The following FSIP2 variants were observed in gnomAD, a reference collection of about 807,000 sequenced individuals.
FSIP2 encodes the protein fibrous sheath-interacting protein 2.
In FSIP2, 367 loss-of-function variants were observed where a neutral mutation model predicts 510.5. The observed-to-expected ratio is 0.72, with a 90% CI of 0.66 to 0.78. FSIP2 has a LOEUF of 0.78. Ranked by LOEUF, FSIP2 falls within the 30% of genes least tolerant of loss-of-function variation. The pLI, the probability that FSIP2 is intolerant of heterozygous loss-of-function variation, is 0.00. For synonymous variants in FSIP2, 2,601 were observed against 2,732.2 expected (o/e 0.95, Z 1.50); for missense variants, 7,594 against 7,901.7 (o/e 0.96, Z 1.48).
In FSIP2 at chr2:185,792,077, A is replaced by C. The variant is rs779534682; in HGVS notation, c.4941A>C (p.Ser1647=). 3 of 1,533,932 alleles carry C rather than the reference A, an allele frequency of 2.0e-6. No individual in the cohort carries two copies. In the South Asian group the frequency reaches 3.6e-5, roughly 18 times the overall value. The part of the protein sequence containing the change: ...SALYMHAKKV[S]SAILKVIQTE... ...TATATATGCATGCAAAGAAGGTATC[A>C]AGTGCTATTTTGAAGGTTATTCAAA... Residue 1647 remains serine, a synonymous_variant, in exon 16 of 23, where the codon TCA becomes TCC. Coordinates refer to ENST00000424728, the MANE Select transcript of FSIP2 (RefSeq NM_173651.4).
intron 13 of FSIP2, among the ~76,000 whole-genome samples, chr2:185,770,924 G>C (rs1337156484): frequency 6.6e-6 from 1 of 152,164 alleles, no homozygotes; most frequent in Non-Finnish European, 1.5e-5. Flanking sequence ...TTCTAAGAGG[G>C]AGAAAACAGT....
At chr2:185,826,277 T>G (rs1430534286) in intron 20 of FSIP2, among the ~76,000 whole-genome samples, 3 of 151,760 alleles carry the variant, frequency 2.0e-5, no homozygotes, top group African/African-American at 7.2e-5. Flanking sequence ...TCACAATGGC[T>G]TACAAAACCC....
In FSIP2 at chr2:185,797,005, C is replaced by T; in HGVS notation, c.9869C>T (p.Ser3290Leu). The T allele has an allele frequency of 6.5e-7, 1 of 1,535,076 alleles. No individual in the cohort carries two copies. Among genetic ancestry groups the T allele is most frequent in the Non-Finnish European group, 8.7e-7 (1 of 1,146,196 alleles). Residue 3290 changes from serine (S) to leucine (L), a missense_variant, in exon 16 of 23, where the codon TCA (serine) becomes TTA (leucine). Transcript: ENST00000424728. Reference sequence around the variant, plus strand: ...GAAGCAGCATTAAAGCAAGTCTTGTCATTCATAGAAATGGGAAAAGGTGAA... The same window carrying T: ...GAAGCAGCATTAAAGCAAGTCTTGTTATTCATAGAAATGGGAAAAGGTGAA... ...STEAALKQVL[S>L]FIEMGKGENL...
At chr2:185,753,072 C>T (rs79373587) in intron 7 of FSIP2, among the ~76,000 whole-genome samples, 1 of 151,344 alleles carries the variant, frequency 6.6e-6, no homozygotes, top group East Asian at 2.0e-4. Context: ...CTACTCAATG[C>T]CCTATGACTC....
rs1330102185 is a variant in FSIP2 at position 185,747,330 on chromosome 2, G to A, written c.777G>A (p.Glu259=). Residue 259 remains glutamate, a synonymous_variant, in exon 7 of 23, where the codon GAG becomes GAA. Transcript: ENST00000424728. ...RKIEEEWKTK[E]MLLLTRMAED... ...ATTTCTAGGAATGGAAGACAAAAGA[G>A]ATGTTACTTCTGACAAGGATGGCAG... 6.6e-7 allele frequency: 1 copy of A among 1,524,930 alleles called. No homozygotes were observed. Among genetic ancestry groups the A allele is most frequent in the Admixed American group, 2.0e-5 (1 of 50,944 alleles). The allele number at this position is 1,524,930 out of a possible 1,614,324, so 94.5% of individuals were successfully genotyped here.
Position 185,790,743 on chromosome 2 carries a change from C to G in FSIP2, c.3607C>G (p.His1203Asp), listed in dbSNP as rs1361927298. ...ATCATCAGTTCATCAGATTTCCTTA[C>G]ATAATTCTGACACTGAACACATAGT... ...ISSSVHQISL[H>D]NSDTEHIVKE... The change falls in exon 16 of 23, where the codon CAT becomes GAT. Residue 1203 changes from histidine to aspartate, a missense_variant. Coordinates refer to ENST00000424728, the MANE Select transcript of FSIP2 (RefSeq NM_173651.4). The G allele has an allele frequency of 2.6e-6, 4 of 1,532,400 alleles. No homozygotes were observed. In the African/African-American group the frequency reaches 4.1e-5, roughly 16 times the overall value. The allele number at this position is 1,532,400 out of a possible 1,614,324, so 94.9% of individuals were successfully genotyped here. A position where few individuals can be genotyped will look rare whatever the true frequency, so the allele number is the denominator to read the frequency against.
At chr2:185,768,053 A>G in intron 13 of FSIP2, among the ~76,000 whole-genome samples, 1 of 152,034 alleles carries the variant, frequency 6.6e-6, no homozygotes, top group East Asian at 1.9e-4. Flanking sequence ...TTTTTTGATA[A>G]TAGGCATTCT....
chr2:185,791,953 C>G lies in FSIP2; in HGVS notation c.4817C>G (p.Ala1606Gly), dbSNP rs1379787422. The G allele has an allele frequency of 6.5e-7, 1 of 1,533,352 alleles. No individual in the cohort carries two copies. The highest frequency in any genetic ancestry group is 1.4e-5 in the African/African-American group (1 of 72,800). The allele number at this position is 1,533,352 out of a possible 1,614,324, so 95.0% of individuals were successfully genotyped here. A position where few individuals can be genotyped will look rare whatever the true frequency, so the allele number is the denominator to read the frequency against. ...FANGHLEILG[A>G]INDGNKKSNK... ...AACGGACATTTAGAAATTTTGGGTG[C>G]TATTAATGATGGAAATAAGAAAAGC... Residue 1606 changes from alanine (A) to glycine (G), a missense_variant, in exon 16 of 23, where the codon GCT becomes GGT. Physicochemically the swap from Ala to Gly is moderately conservative, Grantham distance 60 (BLOSUM62 0). Transcript: ENST00000424728.
Position 185,789,457 on chromosome 2 carries a change from G to A in FSIP2, c.2321G>A (p.Cys774Tyr). 6.5e-7 allele frequency: 1 copy of A among 1,534,662 alleles called. No individual in the cohort carries two copies. The highest frequency in any genetic ancestry group is 1.2e-5 in the South Asian group (1 of 84,034). Residue 774 changes from cysteine to tyrosine, a missense_variant, in exon 16 of 23, where the codon TGT becomes TAT. Cys to Tyr is a radical substitution (Grantham distance 194). Coordinates refer to ENST00000424728, the MANE Select transcript of FSIP2 (RefSeq NM_173651.4). ...EKLESAVEKK[C>Y]VEMFSQDLSV... ...TTAGAGTCTGCAGTTGAGAAAAAAT[G>A]TGTTGAGATGTTTTCACAAGATTTG... is the stretch of plus-strand genomic sequence containing the variant.
chr2:185,823,425 T>C (rs1324521385), intron 19 of FSIP2, among the ~76,000 whole-genome samples: 1 of 151,426 alleles, frequency 6.6e-6, no homozygotes, highest in African/African-American at 2.4e-5. Flanking sequence ...TCTAAGAAAA[T>C]ATACAAATGG....
intron 2 of FSIP2, 136 bp downstream of exon 2, chr2:185,739,607 G>A: frequency 1.3e-6 from 1 of 759,656 alleles, no homozygotes; most frequent in Non-Finnish European, 1.9e-6. Flanking sequence ...ACATCTGACC[G>A]AAGGTATTGT....
Position 185,800,012 on chromosome 2 carries a change from TTAA to T in FSIP2, c.10713_10715del (p.Asn3571del). 6.6e-7 allele frequency: 1 copy of T among 1,519,052 alleles called. No individual in the cohort carries two copies. The highest frequency in any genetic ancestry group is 1.2e-5 in the South Asian group (1 of 81,580). 94.1% of individuals were successfully genotyped at this position (1,519,052 alleles called of 1,614,324 possible). ...TCTGAAATCATTATTAAAATTCTTT[TTAA>T]TAATAAAATTATACAGGCTGACATT... On this transcript the variant is annotated inframe_deletion, in exon 17 of 23. Coordinates refer to ENST00000424728, the MANE Select transcript of FSIP2 (RefSeq NM_173651.4).
chr2:185,816,815 C>T (rs1693833745), intron 19 of FSIP2, among the ~76,000 whole-genome samples: 1 of 151,026 alleles, frequency 6.6e-6, no homozygotes, highest in South Asian at 2.1e-4. Flanking sequence ...ATGATTTTGC[C>T]ACTGCACTTT....
intron 13 of FSIP2, among the ~76,000 whole-genome samples, chr2:185,770,619 C>A (rs1454730802): frequency 6.6e-6 from 1 of 152,140 alleles, no homozygotes; most frequent in Non-Finnish European, 1.5e-5. Context: ...CCACCCCCAA[C>A]ATTGGGAATT....
chr2:185,755,909 T>C (rs955602705), intron 8 of FSIP2, among the ~76,000 whole-genome samples: 5 of 151,624 alleles, frequency 3.3e-5, no homozygotes, highest in African/African-American at 1.2e-4. Context: ...TGCACCCAGA[T>C]GGAAAATGAC....
At chr2:185,739,928 A>G (rs1691889892) in intron 2 of FSIP2, among the ~76,000 whole-genome samples, 2 of 152,256 alleles carry the variant, frequency 1.3e-5, no homozygotes, top group South Asian at 4.1e-4. Context: ...TAAAGAAAAA[A>G]AAAAGAACTG....
intron 15 of FSIP2, 63 bp from the exon 16 acceptor site, chr2:185,788,580 C>G (rs1693041558): frequency 8.6e-7 from 1 of 1,168,832 alleles, no homozygotes; most frequent in African/African-American, 1.6e-5. Context: ...TACCTTCTGT[C>G]TCCAAAACAT....
At position 185,802,596 on chromosome 2, in the gene FSIP2, C is replaced by T. The variant is rs1477082560; in HGVS notation, c.13290C>T (p.Thr4430=). The change falls in exon 17 of 23, where the codon ACC becomes ACT. Residue 4430 remains threonine (T), a synonymous_variant. Coordinates refer to ENST00000424728, the MANE Select transcript of FSIP2 (RefSeq NM_173651.4). The part of the protein sequence containing the change: ...PLFSGDFSAS[T]YSNSVAENIV... ...TTTCTGGGGATTTTTCAGCTTCTAC[C>T]TATTCTAATTCAGTGGCTGAGAATA... 1 of 1,532,684 alleles carries T rather than the reference C, an allele frequency of 6.5e-7. No individual in the cohort carries two copies. Among genetic ancestry groups the T allele is most frequent in the African/African-American group, 1.4e-5 (1 of 72,924 alleles). The allele number at this position is 1,532,684 out of a possible 1,614,324, so 94.9% of individuals were successfully genotyped here. A position where few individuals can be genotyped will look rare whatever the true frequency, so the allele number is the denominator to read the frequency against.
chr2:185,833,178 C>T lies in FSIP2; in HGVS notation c.20676C>T (p.Asn6892=), dbSNP rs1694138235. ...TGTCAAAGGTGTTTTCTCAATGTAA[C>T]ACCAATATTTCCAGATCTTCCTCAC... ...STLSKVFSQC[N]TNISRSSSPA... is the part of the protein sequence containing the mutation. The change falls in exon 23 of 23, where the codon AAC becomes AAT. Residue 6892 remains asparagine, a synonymous_variant. Transcript: ENST00000424728. 1 of 1,611,100 alleles carries T rather than the reference C, an allele frequency of 6.2e-7. No homozygotes were observed. Among genetic ancestry groups the T allele is most frequent in the East Asian group, 2.2e-5 (1 of 44,800 alleles).
Sources: allele counts gnomAD v4.1 joint callset (sites outside exome capture counted in the v4.1 genomes callset), GRCh38; gene constraint gnomAD v4.1.1; transcripts MANE v1.5; gene names NCBI Gene and HGNC (gene_info 2026-07-23, HGNC 2026-07-21).